Variants in NOTCH1 observed in about 807,000 individuals in gnomAD.
NOTCH1 encodes the protein notch receptor 1.
A neutral mutation model predicts 254.8 loss-of-function variants in NOTCH1; 37 were observed. The ratio of observed to expected loss-of-function variants is 0.15; its 90% CI spans 0.11 to 0.19. The LOEUF is 0.19. Among genes scored for constraint, NOTCH1 ranks in the 10% least tolerant of loss-of-function variants. The pLI, the probability that NOTCH1 is intolerant of heterozygous loss-of-function variation, is 1.00. For synonymous variants in NOTCH1, 1,731 were observed against 1,618.1 expected, an observed-to-expected ratio of 1.07 and a Z score of -1.68; for missense variants, 2,972 against 3,708.6, an observed-to-expected ratio of 0.80 and a Z score of 5.16.
Position 136,515,311 on chromosome 9 carries a change from C to A in NOTCH1, c.1993G>T (p.Ala665Ser). The A allele has an allele frequency of 6.2e-7, 1 of 1,612,878 alleles. No individual in the cohort carries two copies. The highest frequency in any genetic ancestry group is 8.5e-7 in the Non-Finnish European group (1 of 1,179,924). Residue 665 changes from alanine (A) to serine (S), a missense_variant, in exon 12 of 34, where the codon GCC becomes TCC. By Grantham distance (99) the Ala-to-Ser change is moderately conservative. Transcript: ENST00000651671. ...TCACCTGTGTAGCCCGGCTCACAGGCACACTCGTAGCCATCGATCTTGTCC... is the reference window on the plus strand; with the variant it reads ...TCACCTGTGTAGCCCGGCTCACAGGAACACTCGTAGCCATCGATCTTGTCC... Reference protein sequence around the residue: ...CLDKIDGYECACEPGYTGSMC... With the variant: ...CLDKIDGYECSCEPGYTGSMC...
At chr9:136,542,418 TC>T (rs1184353046) in intron 2 of NOTCH1, among the ~76,000 whole-genome samples, 1 of 151,392 alleles carries the variant, frequency 6.6e-6, no homozygotes, top group Non-Finnish European at 1.5e-5. Context: ...TTAATCCGCC[TC>T]CCCCAACAAT....
At chr9:136,534,158 C>A (rs2133392809) in intron 2 of NOTCH1, among the ~76,000 whole-genome samples, 1 of 152,324 alleles carries the variant, frequency 6.6e-6, no homozygotes, top group East Asian at 1.9e-4. Context: ...TCCTGCAGGG[C>A]CGCTGCACTC....
intron 26 of NOTCH1, among the ~76,000 whole-genome samples, chr9:136,504,169 A>G (rs1280257128): frequency 6.6e-6 from 1 of 152,210 alleles, no homozygotes; most frequent in Admixed American, 6.5e-5. Context: ...GAACCCCTGG[A>G]GAGCTGAGTG....
At chr9:136,537,039 A>G (rs933062125) in intron 2 of NOTCH1, among the ~76,000 whole-genome samples, 2 of 152,088 alleles carry the variant, frequency 1.3e-5, no homozygotes, top group Non-Finnish European at 1.5e-5. Context: ...AGTCCTGAGC[A>G]GGACAGGGGC....
rs1046586459 is a variant in NOTCH1 at position 136,540,102 on chromosome 9, G to A, written c.140+3922C>T. 3.3e-5 allele frequency among the ~76,000 whole-genome samples: 5 copies of A among 152,206 alleles called. No individual in the cohort carries two copies. The highest frequency in any genetic ancestry group is 7.4e-5 in the Non-Finnish European group (5 of 68,026). On this transcript the variant is annotated intron_variant, in intron 2 of 33. Coordinates refer to ENST00000651671, the MANE Select transcript of NOTCH1 (RefSeq NM_017617.5). This position sits in a 1 kb window ranked among gnomAD's most constrained non-coding sequence, Gnocchi z 4.4. ...TCTGGGTCTCTTCTTCTCACTTATC[G>A]GTGCCTGATCCAGACAGCTTTACGG... is the stretch of plus-strand genomic sequence containing the variant.
rs1211279703 is a variant in NOTCH1 at position 136,517,478 on chromosome 9, C to G, written c.1442-93G>C. ...CTTGGGACAGAAACGAACCCTGCCT[C>G]CAGCCCAGTGTCCCAGCCACCACGG... is the stretch of plus-strand genomic sequence containing the variant. On this transcript the variant is annotated intron_variant, in intron 8 of 33. Coordinates refer to ENST00000651671, the MANE Select transcript of NOTCH1 (RefSeq NM_017617.5). 5 of 977,406 alleles carry G rather than the reference C, an allele frequency of 5.1e-6. No individual in the cohort carries two copies. The Admixed American group carries it at 6.1e-5, about 12-fold the overall frequency. 60.5% of individuals were successfully genotyped at this position (977,406 alleles called of 1,614,324 possible). A position where few individuals can be genotyped will look rare whatever the true frequency, so the allele number is the denominator to read the frequency against.
Position 136,505,479 on chromosome 9 carries a change from C to T in NOTCH1, c.4417G>A (p.Gly1473Ser), listed in dbSNP as rs763685504. ...CSLQCNNHAC[G>S]WDGGDCSLNF... ...AGGGAGCAGTCACCGCCGTCCCAGC[C>T]GCACGCGTGGTTGTTGCACTGCAGG... The change falls in exon 25 of 34, where the codon GGC (glycine) becomes AGC (serine). Residue 1473 changes from glycine (G) to serine (S), a missense_variant. This residue lies in a region of NOTCH1 where 1,343 missense variants were observed against 1,557.0 expected (regional missense o/e 0.86). Coordinates refer to ENST00000651671, the MANE Select transcript of NOTCH1 (RefSeq NM_017617.5). 15 of 1,612,724 alleles carry T rather than the reference C, an allele frequency of 9.3e-6. No homozygotes were observed. The highest frequency in any genetic ancestry group is 6.7e-5 in the East Asian group (3 of 44,896).
In NOTCH1 at chr9:136,545,610, CT is replaced by C; in HGVS notation, c.61+115del. 1 of 814,656 alleles carries C rather than the reference CT, an allele frequency of 1.2e-6. No homozygotes were observed. 50.5% of individuals were successfully genotyped at this position (814,656 alleles called of 1,614,324 possible). ...CACGCCCCGGGCCGCCCGCTTTTCC[CT>C]CTCCATGCTGGCCTCCCCGCCGCCC... On this transcript the variant is annotated intron_variant, in intron 1 of 33. Transcript: ENST00000651671. The surrounding 1 kb of genome is among the most constrained non-coding windows in gnomAD (Gnocchi z 6.8).
chr9:136,500,411 G>A, intron 31 of NOTCH1, 141 bp downstream of exon 31: 1 of 1,038,002 alleles, frequency 9.6e-7, no homozygotes, highest in African/African-American at 1.6e-5. Context: ...GACTGCGAAG[G>A]TCCCAGGTGG....
At position 136,505,736 on chromosome 9, in the gene NOTCH1, G is replaced by A. The variant is rs772639563; in HGVS notation, c.4160C>T (p.Ala1387Val). The A allele has an allele frequency of 6.3e-7, 1 of 1,592,298 alleles. No individual in the cohort carries two copies. Among genetic ancestry groups the A allele is most frequent in the South Asian group, 1.1e-5 (1 of 89,196 alleles). Residue 1387 changes from alanine to valine, a missense_variant, in exon 25 of 34, where the codon GCC becomes GTC. By Grantham distance (64) the Ala-to-Val change is moderately conservative. Around this residue, in one of 8 missense-constraint regions of NOTCH1, gnomAD observed 1,343 missense variants for 1,557.0 expected, o/e 0.86. Coordinates refer to ENST00000651671, the MANE Select transcript of NOTCH1 (RefSeq NM_017617.5). ...PFTGPECQFP[A>V]SSPCLGGNPC... ...GTTGCCGCCCAGGCAGGGGCTGCTG[G>A]CCGGGAACTGGCATTCGGGGCCCGT...
At chr9:136,539,325 T>C (rs1270516836) in intron 2 of NOTCH1, among the ~76,000 whole-genome samples, 1 of 152,210 alleles carries the variant, frequency 6.6e-6, no homozygotes, top group Admixed American at 6.5e-5. Context: ...GCCTTCCTGT[T>C]CCTGATGTCT....
intron 2 of NOTCH1, among the ~76,000 whole-genome samples, chr9:136,535,474 T>C (rs1843632393): frequency 8.3e-6 from 1 of 120,834 alleles, no homozygotes; most frequent in African/African-American, 4.1e-5. Flanking sequence ...CGGGGAGCAC[T>C]CAGGATCCCT....
rs2133339981 is a variant in NOTCH1, at chr9:136,505,611, C to A, written c.4285G>T (p.Asp1429Tyr). Reference sequence around the variant, plus strand: ...CCGGCCCCACCCCCGAAGCTGTAGTCCAGGATGTGGCACAAGAGCCCGTTG... The same window carrying A: ...CCGGCCCCACCCCCGAAGCTGTAGTACAGGATGTGGCACAAGAGCCCGTTG... Reference protein sequence around the residue: ...KFNGLLCHILDYSFGGGAGRD... With the variant: ...KFNGLLCHILYYSFGGGAGRD... Residue 1429 changes from aspartate (D) to tyrosine (Y), a missense_variant, in exon 25 of 34, where the codon GAC becomes TAC. This residue lies in a region of NOTCH1 where 1,343 missense variants were observed against 1,557.0 expected (regional missense o/e 0.86). Coordinates refer to ENST00000651671, the MANE Select transcript of NOTCH1 (RefSeq NM_017617.5). The A allele has an allele frequency of 6.2e-7, 1 of 1,611,982 alleles. No individual in the cohort carries two copies. Among genetic ancestry groups the A allele is most frequent in the Non-Finnish European group, 8.5e-7 (1 of 1,179,586 alleles).
At position 136,495,011 on chromosome 9, in the gene NOTCH1, G is replaced by T. The variant is rs1219047284; in HGVS notation, c.*1060C>A. ...TGCACAGCTCAATGTGCCCGGCTCTGGCAAGTCTCCTACAAAACACGGGAG... is the reference window on the plus strand; with the variant it reads ...TGCACAGCTCAATGTGCCCGGCTCTTGCAAGTCTCCTACAAAACACGGGAG... On this transcript the variant is annotated 3_prime_UTR_variant, in exon 34 of 34. Coordinates refer to ENST00000651671, the MANE Select transcript of NOTCH1 (RefSeq NM_017617.5). 2.5e-6 allele frequency: 1 copy of T among 398,820 alleles called. No individual in the cohort carries two copies. Among genetic ancestry groups the T allele is most frequent in the African/African-American group, 2.1e-5 (1 of 48,636 alleles). 24.7% of individuals were successfully genotyped at this position (398,820 alleles called of 1,614,324 possible). A position where few individuals can be genotyped will look rare whatever the true frequency, so the allele number is the denominator to read the frequency against.
Position 136,518,843 on chromosome 9 carries a change from G to A in NOTCH1, c.866-19C>T, listed in dbSNP as rs770694410. ...TACTGACCTGCAGGGAACAGGAGCT[G>A]TCGGCCCCGGGCAGCTGCCACTCCC... On this transcript the variant is annotated intron_variant, in intron 5 of 33. Transcript: ENST00000651671. 1 of 1,607,344 alleles carries A rather than the reference G, an allele frequency of 6.2e-7. No individual in the cohort carries two copies. The highest frequency in any genetic ancestry group is 2.2e-5 in the East Asian group (1 of 44,822).
chr9:136,499,175 C>T lies in NOTCH1; in HGVS notation c.6019G>A (p.Val2007Met), dbSNP rs374168429. 19 of 1,613,220 alleles carry T rather than the reference C, an allele frequency of 1.2e-5. No homozygotes were observed. Among genetic ancestry groups the T allele is most frequent in the African/African-American group, 2.7e-5 (2 of 74,948 alleles). ...ATGAGGTCCTCCAGCATGCCCTCCA[C>T]GGCCAGGCGGGCAGCCAGGATCAGT... ...TPLILAARLA[V>M]EGMLEDLINS... Residue 2007 changes from valine (V) to methionine (M), a missense_variant, in exon 32 of 34, where the codon GTG (valine) becomes ATG (methionine). By Grantham distance (21) the Val-to-Met change is conservative. This residue lies in a region of NOTCH1 where 421 missense variants were observed against 604.4 expected (regional missense o/e 0.70). Transcript: ENST00000651671.
rs748499336 is a variant in NOTCH1 at position 136,517,801 on chromosome 9, G to A, written c.1392C>T (p.Asp464=). Residue 464 remains aspartate (D), a synonymous_variant, in exon 8 of 34, where the codon GAC becomes GAT. Transcript: ENST00000651671. ...NECVSNPCQN[D]ATCLDQIGEF... ...CCCCAATCTGGTCCAGGCAGGTGGC[G>A]TCGTTCTGGCACGGGTTCGAGACGC... is the stretch of plus-strand genomic sequence containing the variant. 1.4e-5 allele frequency: 23 copies of A among 1,612,606 alleles called. No individual in the cohort carries two copies. In the South Asian group the frequency reaches 1.4e-4, roughly 10 times the overall value.
rs753617460 is a variant in NOTCH1 at position 136,498,853 on chromosome 9, G to A, written c.6180+46C>T. On this transcript the variant is annotated intron_variant, in intron 33 of 33. Coordinates refer to ENST00000651671, the MANE Select transcript of NOTCH1 (RefSeq NM_017617.5). Reference sequence around the variant, plus strand: ...GTGGGTTTGGCCCTCACTTCTCTGTGGATTCAGCCCTCACGTCTCCCCTGG... The same window carrying A: ...GTGGGTTTGGCCCTCACTTCTCTGTAGATTCAGCCCTCACGTCTCCCCTGG... The A allele has an allele frequency of 4.4e-6, 7 of 1,601,432 alleles. No individual in the cohort carries two copies. In the African/African-American group the frequency reaches 6.7e-5, roughly 15 times the overall value.
chr9:136,527,170 G>A (rs977072026), intron 2 of NOTCH1, among the ~76,000 whole-genome samples: 1 of 152,212 alleles, frequency 6.6e-6, no homozygotes, highest in Non-Finnish European at 1.5e-5. Flanking sequence ...GCCCCAGTCT[G>A]TACCTCTCTC....
Sources: gnomAD v4.1 joint callset for allele counts (sites outside exome capture counted in the v4.1 genomes callset) on GRCh38, gnomAD v4.1.1 for gene constraint, gnomAD v4.1.1 regional missense constraint, Gnocchi (gnomAD v3.1) non-coding constraint, MANE v1.5 for transcripts, NCBI Gene and HGNC (gene_info 2026-07-23, HGNC 2026-07-21) for gene names.